Variants in ADARB2 observed in about 807,000 individuals in gnomAD.
ADARB2 encodes inactive double-stranded RNA-specific editase B2.
ADARB2 carries 25 observed loss-of-function variants against 62.2 expected under a neutral mutation model. That is an observed-to-expected ratio of 0.40 (90% CI 0.29 to 0.56). The LOEUF (loss-of-function observed/expected upper bound fraction) is 0.56, where lower values mean the gene tolerates loss of function less well. Ranked by LOEUF, ADARB2 falls within the 20% of genes least tolerant of loss-of-function variation. The pLI, the probability that ADARB2 is intolerant of heterozygous loss-of-function variation, is 0.43. For missense variants in ADARB2, 1,071 were observed against 1,077.4 expected, an observed-to-expected ratio of 0.99 and a Z score of 0.08; for synonymous variants, 572 against 500.8, an observed-to-expected ratio of 1.14 and a Z score of -1.90.
chr10:1,346,999 A>G (rs1381835442), intron 3 of ADARB2, among the ~76,000 whole-genome samples: 2 of 152,236 alleles, frequency 1.3e-5, no homozygotes, highest in Non-Finnish European at 2.9e-5. Context: ...ATGTTGACCT[A>G]TGGACATCTT....
At chr10:1,599,772 G>T (rs1360059763) in intron 1 of ADARB2, among the ~76,000 whole-genome samples, 1 of 152,100 alleles carries the variant, frequency 6.6e-6, no homozygotes, top group African/African-American at 2.4e-5. Flanking sequence ...ACAGGGTGCT[G>T]CTCTGTTGCC....
intron 1 of ADARB2, among the ~76,000 whole-genome samples, chr10:1,641,481 A>T (rs972226709): frequency 6.6e-6 from 1 of 152,200 alleles, no homozygotes; most frequent in Non-Finnish European, 1.5e-5. Flanking sequence ...GTCTGTATTT[A>T]TTTCTAGAAC....
intron 1 of ADARB2, chr10:1,526,688 A>T: frequency 3.6e-6 from 1 of 278,668 alleles, no homozygotes; most frequent in African/African-American, 2.3e-5. Flanking sequence ...CTGCAGAGCC[A>T]TGGCTGCACA....
intron 1 of ADARB2, among the ~76,000 whole-genome samples, chr10:1,607,729 C>T (rs1236096640): frequency 6.6e-5 from 10 of 152,220 alleles, no homozygotes; most frequent in South Asian, 2.1e-4. Context: ...GGACGTCACA[C>T]GGCTGACTTC....
At chr10:1,532,081 C>T (rs574314833) in intron 1 of ADARB2, among the ~76,000 whole-genome samples, 3 of 152,204 alleles carry the variant, frequency 2.0e-5, no homozygotes, top group Admixed American at 1.3e-4. Context: ...GCACTGTCCC[C>T]GAAGAGGTAA....
At chr10:1,473,232 A>G (rs1831349928) in intron 1 of ADARB2, among the ~76,000 whole-genome samples, 1 of 152,078 alleles carries the variant, frequency 6.6e-6, no homozygotes, top group African/African-American at 2.4e-5. Context: ...CCTGCTCTAA[A>G]ACTTGCCTCG....
chr10:1,248,209 C>T (rs187869264), intron 4 of ADARB2, among the ~76,000 whole-genome samples: 6 of 151,812 alleles, frequency 4.0e-5, no homozygotes, highest in African/African-American at 1.5e-4. Context: ...AGGTGTGCGA[C>T]GTGTCAGTCA....
chr10:1,651,253 C>G, intron 1 of ADARB2, among the ~76,000 whole-genome samples: 1 of 152,266 alleles, frequency 6.6e-6, no homozygotes, highest in South Asian at 2.1e-4. Flanking sequence ...AGGAACCACC[C>G]TGTGCTTAAA....
intron 3 of ADARB2, among the ~76,000 whole-genome samples, chr10:1,310,623 G>A (rs567228013): frequency 1.3e-5 from 2 of 152,212 alleles, no homozygotes; most frequent in Non-Finnish European, 2.9e-5. Context: ...GGGTAGTGAT[G>A]GGGTGACAGT....
intron 1 of ADARB2, among the ~76,000 whole-genome samples, chr10:1,484,962 G>T (rs536482538): frequency 8.5e-5 from 13 of 152,096 alleles, no homozygotes; most frequent in Admixed American, 5.2e-4. Flanking sequence ...ACAGATGTAG[G>T]TATGCATGTA....
At chr10:1,697,744 A>G (rs1834765207) in intron 1 of ADARB2, among the ~76,000 whole-genome samples, 1 of 152,152 alleles carries the variant, frequency 6.6e-6, no homozygotes, top group Non-Finnish European at 1.5e-5. Context: ...GCCCGGAACC[A>G]GTTGGGGCCC....
rs1009168660 is a variant in ADARB2 at position 1,361,811 on chromosome 10, G to A, written c.1077+1217C>T. ...GTCCTAGGTGTTGTGATGTAACAAT[G>A]GTAGCGATCACAGCCATAACTTACA... is the stretch of plus-strand genomic sequence containing the variant. On this transcript the variant is annotated intron_variant, in intron 3 of 9. Coordinates refer to ENST00000381312, the MANE Select transcript of ADARB2 (RefSeq NM_018702.4). Among the ~76,000 whole-genome samples, 5 of 152,212 alleles carry A rather than the reference G, an allele frequency of 3.3e-5. No individual in the cohort carries two copies. The East Asian group carries it at 5.8e-4, about 18-fold the overall frequency.
At chr10:1,640,797 G>A (rs1283640751) in intron 1 of ADARB2, among the ~76,000 whole-genome samples, 3 of 152,194 alleles carry the variant, frequency 2.0e-5, no homozygotes, top group Admixed American at 6.5e-5. Context: ...TTAGTGAGAA[G>A]ATAGACGTCT....
At chr10:1,205,258 CTTG>C (rs1217494508) in intron 7 of ADARB2, among the ~76,000 whole-genome samples, 4 of 137,162 alleles carry the variant, frequency 2.9e-5, no homozygotes, top group Non-Finnish European at 5.1e-5. Context: ...ACACGAGGGC[CTTG>C]TTGTTTTAGG....
intron 3 of ADARB2, among the ~76,000 whole-genome samples, chr10:1,343,785 T>C (rs1832053680): frequency 6.6e-6 from 1 of 152,144 alleles, no homozygotes. Context: ...GAAAGCCAAA[T>C]ATCCATGTTC....
rs1444031085 is a variant in ADARB2 at position 1,179,654 on chromosome 10, T to C, written c.*3539A>G. 1 of 152,214 alleles carries C rather than the reference T, an allele frequency of 6.6e-6. No homozygotes were observed. The highest frequency in any genetic ancestry group is 1.9e-4 in the East Asian group (1 of 5,202). 9.4% of individuals were successfully genotyped at this position (152,214 alleles called of 1,614,324 possible). A position where few individuals can be genotyped will look rare whatever the true frequency, so the allele number is the denominator to read the frequency against. On this transcript the variant is annotated 3_prime_UTR_variant, in exon 10 of 10. Transcript: ENST00000381312. ...ATCTTCCTGATGGGAAAGCAGTGTGTGTTTTGGAGGCAGATAAAGGTGGTG... is the reference window on the plus strand; with the variant it reads ...ATCTTCCTGATGGGAAAGCAGTGTGCGTTTTGGAGGCAGATAAAGGTGGTG...
At chr10:1,538,860 G>A (rs1051102792) in intron 1 of ADARB2, among the ~76,000 whole-genome samples, 4 of 152,244 alleles carry the variant, frequency 2.6e-5, no homozygotes, top group African/African-American at 9.6e-5. Flanking sequence ...TCCACCCCTA[G>A]AGGGAGAGTG....
chr10:1,705,106 TTTAA>T (rs1335120616), intron 1 of ADARB2, among the ~76,000 whole-genome samples: 2 of 152,356 alleles, frequency 1.3e-5, no homozygotes, highest in East Asian at 1.9e-4. Context: ...TTTAAAATTA[TTTAA>T]TTAAAGTGGC....
intron 1 of ADARB2, among the ~76,000 whole-genome samples, chr10:1,657,511 G>A (rs1346928261): frequency 2.0e-5 from 3 of 152,166 alleles, no homozygotes; most frequent in African/African-American, 4.8e-5. Flanking sequence ...GACAGATTAT[G>A]GAGATAATGC....
Sources: gnomAD v4.1 joint callset for allele counts (sites outside exome capture counted in the v4.1 genomes callset) on GRCh38, gnomAD v4.1.1 for gene constraint, MANE v1.5 for transcripts, NCBI Gene and HGNC (gene_info 2026-07-23, HGNC 2026-07-21) for gene names.